RFFL: variants seen among roughly 807,000 people sequenced by gnomAD.
RFFL encodes ring finger and FYVE like domain containing E3 ubiquitin protein ligase.
RFFL carries 16 observed loss-of-function variants against 40.4 expected under a neutral mutation model. That is an observed-to-expected ratio of 0.40 (90% confidence interval 0.27 to 0.60). The LOEUF (loss-of-function observed/expected upper bound fraction) is 0.60, where lower values mean the gene tolerates loss of function less well. Among genes scored for constraint, RFFL ranks in the 20% least tolerant of loss-of-function variants. The probability of loss-of-function intolerance (pLI) is 0.47; values close to 1 mark genes in which losing one functional copy is unlikely to be tolerated. For synonymous variants in RFFL, 154 were observed against 167.9 expected, an observed-to-expected ratio of 0.92 and a Z score of 0.64; for missense variants, 367 against 451.7, an observed-to-expected ratio of 0.81 and a Z score of 1.70.
chr17:35,061,915 G>A (rs945744556), intron 1 of RFFL, among the ~76,000 whole-genome samples: 3 of 151,696 alleles, frequency 2.0e-5, no homozygotes, highest in African/African-American at 7.3e-5. Flanking sequence ...CCTGACCTCA[G>A]GTGATCTGCC....
rs547010699 is a variant in RFFL at position 35,011,957 on chromosome 17, G to A, written c.*11C>T. 7.6e-5 allele frequency: 122 copies of A among 1,613,062 alleles called. No homozygotes were observed. The South Asian group carries it at 8.6e-4, about 11-fold the overall frequency. On this transcript the variant is annotated 3_prime_UTR_variant, in exon 7 of 7. Coordinates refer to ENST00000394597, the MANE Select transcript of RFFL (RefSeq NM_001017368.2). ...TTCCCTGTAAGGCACTGAAGAAACC[G>A]ATGCAAGCTCTCAGGACCGGAAGAC...
chr17:35,041,568 G>C (rs1376313261), intron 1 of RFFL, among the ~76,000 whole-genome samples: 3 of 144,226 alleles, frequency 2.1e-5, no homozygotes, highest in African/African-American at 8.6e-5. Context: ...TAGTGGGCTG[G>C]TGTGTGAAGA....
chr17:35,085,620 G>A (rs540838423), intron 1 of RFFL, among the ~76,000 whole-genome samples: 1 of 152,094 alleles, frequency 6.6e-6, no homozygotes, highest in Non-Finnish European at 1.5e-5. Context: ...GTAGAAACAG[G>A]GTTTCACCAT....
At chr17:35,020,541 T>C (rs957394827) in intron 3 of RFFL, among the ~76,000 whole-genome samples, 8 of 151,256 alleles carry the variant, frequency 5.3e-5, no homozygotes, top group East Asian at 1.9e-4. Context: ...TGTGGAAAAA[T>C]TGTCTTCCAC....
chr17:35,045,168 T>C (rs2091191272), intron 1 of RFFL, among the ~76,000 whole-genome samples: 1 of 152,136 alleles, frequency 6.6e-6, no homozygotes, highest in African/African-American at 2.4e-5. Context: ...AATGATTACA[T>C]TCTGGGGGAA....
intron 1 of RFFL, among the ~76,000 whole-genome samples, chr17:35,039,126 C>T (rs1218265335): frequency 3.9e-5 from 6 of 152,134 alleles, no homozygotes; most frequent in African/African-American, 1.4e-4. Context: ...AGGCTGATCT[C>T]GAACTCCTGG....
chr17:35,055,815 T>C lies in RFFL; in HGVS notation c.-9+7761A>G, dbSNP rs368442212. Reference sequence around the variant, plus strand: ...GTTTCTAAAGATAGTATCTCTGACATTAGAAGCATAAGGCTTTTTTTTTAA... The same window carrying C: ...GTTTCTAAAGATAGTATCTCTGACACTAGAAGCATAAGGCTTTTTTTTTAA... On this transcript the variant is annotated intron_variant, in intron 1 of 6. Transcript: ENST00000394597. Among the ~76,000 whole-genome samples the C allele has an allele frequency of 1.4e-3, 214 of 152,294 alleles. 1 individual carries two copies. Among genetic ancestry groups the C allele is most frequent in the African/African-American group, 5.1e-3 (211 of 41,560 alleles).
intron 1 of RFFL, among the ~76,000 whole-genome samples, chr17:35,049,673 T>C (rs2091220479): frequency 6.6e-6 from 1 of 152,160 alleles, no homozygotes; most frequent in African/African-American, 2.4e-5. Context: ...AGAGTTTGAA[T>C]TCAAAGACTA....
chr17:35,027,154 C>G (rs1375247725), intron 1 of RFFL, among the ~76,000 whole-genome samples: 1 of 152,200 alleles, frequency 6.6e-6, no homozygotes, highest in Admixed American at 6.5e-5. Context: ...TTTCCCTATA[C>G]TATGTTGTCC....
At chr17:35,086,395 G>A (rs973240052) in intron 1 of RFFL, among the ~76,000 whole-genome samples, 5 of 151,680 alleles carry the variant, frequency 3.3e-5, no homozygotes, top group African/African-American at 7.3e-5. Context: ...CGAGGATTGC[G>A]TGAGCCCAGG....
chr17:35,056,348 T>C (rs897708943), intron 1 of RFFL, among the ~76,000 whole-genome samples: 3 of 151,700 alleles, frequency 2.0e-5, no homozygotes, highest in Non-Finnish European at 4.4e-5. Context: ...CCTTCTTCCT[T>C]TCCTTCTCTA....
At chr17:35,071,374 T>C (rs534275198) in intron 1 of RFFL, among the ~76,000 whole-genome samples, 23 of 152,036 alleles carry the variant, frequency 1.5e-4, no homozygotes, top group Non-Finnish European at 2.4e-4. Context: ...TGCCAGCACT[T>C]TGGGAGGACA....
At chr17:35,078,797 T>C (rs1418365717) in intron 1 of RFFL, among the ~76,000 whole-genome samples, 1 of 151,852 alleles carries the variant, frequency 6.6e-6, no homozygotes, top group African/African-American at 2.4e-5. Context: ...CTGGCCAACA[T>C]GATGAAACCC....
At chr17:35,061,515 T>C (rs2091290878) in intron 1 of RFFL, among the ~76,000 whole-genome samples, 1 of 152,144 alleles carries the variant, frequency 6.6e-6, no homozygotes, top group Admixed American at 6.5e-5. Context: ...TGGAGTTCAG[T>C]GGCACAATCT....
rs150762466 is a variant in RFFL at position 35,072,453 on chromosome 17, T to C, written c.-9+16652A>G. On this transcript the variant is annotated intron_variant, in intron 1 of 6. Transcript: ENST00000315249. ...GAACAGATTACTGGTTTCCAGAGAT[T>C]AGGACAGTAGGGAAAACGGATATGC... Among the ~76,000 whole-genome samples the C allele has an allele frequency of 2.1e-4, 32 of 152,010 alleles. No individual in the cohort carries two copies. In the East Asian group the frequency reaches 6.0e-3, roughly 28 times the overall value.
upstream of RFFL, among the ~76,000 whole-genome samples, chr17:35,066,460 G>A (rs1289740878): frequency 6.6e-6 from 1 of 152,156 alleles, no homozygotes; most frequent in East Asian, 1.9e-4. Flanking sequence ...ACACAGCAGG[G>A]AGAGCACTGT....
chr17:35,085,741 T>C (rs1483895171), intron 1 of RFFL, among the ~76,000 whole-genome samples: 2 of 152,210 alleles, frequency 1.3e-5, no homozygotes, highest in African/African-American at 4.8e-5. Context: ...ATGCAGATTT[T>C]ATGCTTTAAA....
At chr17:35,075,433 G>A (rs7222146) in intron 1 of RFFL, among the ~76,000 whole-genome samples, 6,728 of 152,242 alleles carry the variant, frequency 0.044, 491 homozygotes, top group African/African-American at 0.15. Flanking sequence ...GTGTTAAGCA[G>A]TGCTTGTCCA....
chr17:35,011,751 A>C lies in RFFL; in HGVS notation c.*217T>G. 1.8e-6 allele frequency: 1 copy of C among 562,418 alleles called. No homozygotes were observed. The highest frequency in any genetic ancestry group is 2.1e-5 in the South Asian group (1 of 48,404). The allele number at this position is 562,418 out of a possible 1,614,324, so 34.8% of individuals were successfully genotyped here. A position where few individuals can be genotyped will look rare whatever the true frequency, so the allele number is the denominator to read the frequency against. ...ACTGAACCAAGAACATACCCATGTG[A>C]TTTATACAAGTTCCCACTGGCCTTG... On this transcript the variant is annotated 3_prime_UTR_variant, in exon 7 of 7. Transcript: ENST00000394597.
Sources: gnomAD v4.1 joint callset for allele counts (sites outside exome capture counted in the v4.1 genomes callset) on GRCh38, gnomAD v4.1.1 for gene constraint, MANE v1.5 for transcripts, NCBI Gene and HGNC (gene_info 2026-07-23, HGNC 2026-07-21) for gene names.